HIGD1C: variants seen among roughly 807,000 people sequenced by gnomAD.
The protein encoded by HIGD1C is HIG1 domain family member 1C.
HIGD1C carries 11 observed loss-of-function variants against 13.1 expected under a neutral mutation model. The ratio of observed to expected loss-of-function variants is 0.84; its 90% CI spans 0.53 to 1.39. The LOEUF (loss-of-function observed/expected upper bound fraction) is 1.39. Among genes scored for constraint, HIGD1C ranks in the 40% most tolerant of loss-of-function variants. HIGD1C has a pLI of 0.00. For synonymous variants in HIGD1C, 36 were observed against 37.7 expected (o/e 0.95, Z 0.17); for missense variants, 110 against 112.0 (o/e 0.98, Z 0.08).
chr12:50,936,130 G>C, the HIGD1C span, among the ~76,000 whole-genome samples: 1 of 146,898 alleles, frequency 6.8e-6, no homozygotes, highest in African/African-American at 2.5e-5. Context: ...TTGCACTCCA[G>C]CCTGGGCAAC....
At chr12:50,940,419 T>C in the HIGD1C span, among the ~76,000 whole-genome samples, 1 of 152,112 alleles carries the variant, frequency 6.6e-6, no homozygotes, top group Non-Finnish European at 1.5e-5. Flanking sequence ...AAATCCTTCC[T>C]AAAAAAGCAA....
intron 1 of HIGD1C, among the ~76,000 whole-genome samples, chr12:50,955,105 A>T (rs1939044251): frequency 6.6e-6 from 1 of 152,220 alleles, no homozygotes; most frequent in Non-Finnish European, 1.5e-5. Context: ...CAGCCTGGCC[A>T]ATAGGGTGAA....
the HIGD1C span, among the ~76,000 whole-genome samples, chr12:50,937,527 G>A: frequency 6.6e-6 from 1 of 152,166 alleles, no homozygotes; most frequent in South Asian, 2.1e-4. Context: ...CGCCTGCAAC[G>A]TGACGAGCAG....
intron 2 of HIGD1C, among the ~76,000 whole-genome samples, chr12:50,968,308 C>G (rs1939622659): frequency 6.6e-6 from 1 of 152,160 alleles, no homozygotes; most frequent in Non-Finnish European, 1.5e-5. Flanking sequence ...AACTAGAACC[C>G]AAGAAGACAG....
At chr12:50,956,329 T>C (rs969101824) in intron 1 of HIGD1C, among the ~76,000 whole-genome samples, 7 of 152,054 alleles carry the variant, frequency 4.6e-5, no homozygotes, top group African/African-American at 1.4e-4. Context: ...GAAGTGGAGG[T>C]TGCAGTGAGC....
At chr12:50,933,670 CCAATCTGATTTA>C in the HIGD1C span, among the ~76,000 whole-genome samples, 90 of 152,354 alleles carry the variant, frequency 5.9e-4, no homozygotes, top group Non-Finnish European at 9.3e-4. Flanking sequence ...CCATACCAGA[CCAATCTGATTTA>C]ACCTTTATGT....
the HIGD1C span, among the ~76,000 whole-genome samples, chr12:50,942,994 T>C: frequency 6.6e-6 from 1 of 151,522 alleles, no homozygotes; most frequent in Non-Finnish European, 1.5e-5. Context: ...GCCTCCCAAG[T>C]AGCTGGGATT....
chr12:50,938,504 G>A, the HIGD1C span, among the ~76,000 whole-genome samples: 15 of 152,192 alleles, frequency 9.9e-5, no homozygotes, highest in Admixed American at 6.5e-5. Context: ...GCCCAGGAGT[G>A]CAGGGCTGGT....
chr12:50,959,583 GTTATAC>G (rs1222724627), intron 1 of HIGD1C, among the ~76,000 whole-genome samples: 1 of 152,030 alleles, frequency 6.6e-6, no homozygotes, highest in African/African-American at 2.4e-5. Context: ...ATACCAATAA[GTTATAC>G]TTATGGCATT....
At chr12:50,942,867 C>CTTTT in the HIGD1C span, among the ~76,000 whole-genome samples, 11 of 140,330 alleles carry the variant, frequency 7.8e-5, no homozygotes, top group South Asian at 4.5e-4. Context: ...TTTCTCTTCT[C>CTTTT]TTTTTTTTTT....
At chr12:50,971,182 A>C (rs2136106889), downstream of HIGD1C, among the ~76,000 whole-genome samples, 1 of 147,726 alleles carries the variant, frequency 6.8e-6, no homozygotes, top group East Asian at 2.0e-4. Context: ...GCCGAGCCAC[A>C]GACTTTTTAT....
chr12:50,942,627 G>A, the HIGD1C span, among the ~76,000 whole-genome samples: 1 of 152,286 alleles, frequency 6.6e-6, no homozygotes, highest in African/African-American at 2.4e-5. Context: ...AGCACTTTGG[G>A]AGGCCAAGGC....
At chr12:50,937,601 C>T in the HIGD1C span, among the ~76,000 whole-genome samples, 1 of 152,088 alleles carries the variant, frequency 6.6e-6, no homozygotes, top group African/African-American at 2.4e-5. Context: ...TCAGTCCCAC[C>T]ATTCGGCGGG....
the HIGD1C span, among the ~76,000 whole-genome samples, chr12:50,947,748 A>G: frequency 6.6e-6 from 1 of 152,200 alleles, no homozygotes; most frequent in Non-Finnish European, 1.5e-5. Flanking sequence ...CAAATATATA[A>G]AAGATAATGG....
chr12:50,970,255 T>C (rs1296902366), intron 2 of HIGD1C, among the ~76,000 whole-genome samples, 187 bp from the exon 5 acceptor site: 3 of 152,244 alleles, frequency 2.0e-5, no homozygotes, highest in Non-Finnish European at 4.4e-5. Context: ...AAAGGGCTCC[T>C]AGAGTTTTGT....
At chr12:50,940,844 T>A in the HIGD1C span, among the ~76,000 whole-genome samples, 1 of 151,890 alleles carries the variant, frequency 6.6e-6, no homozygotes, top group African/African-American at 2.4e-5. Context: ...GCCCCAATTT[T>A]TCTTTTCTTT....
chr12:50,936,968 C>T, the HIGD1C span, among the ~76,000 whole-genome samples: 31 of 152,334 alleles, frequency 2.0e-4, no homozygotes, highest in African/African-American at 7.5e-4. Context: ...CAAGAAACTT[C>T]CTCTTTGAGA....
chr12:50,957,269 A>G (rs2544019), intron 1 of HIGD1C, among the ~76,000 whole-genome samples: 71,948 of 151,016 alleles, frequency 0.48, 18,114 homozygotes, highest in South Asian at 0.65. Flanking sequence ...GGAGCGCAAT[A>G]GCACAATCCT....
chr12:50,959,427 C>T (rs982924245), intron 1 of HIGD1C, among the ~76,000 whole-genome samples: 1 of 151,956 alleles, frequency 6.6e-6, no homozygotes, highest in African/African-American at 2.4e-5. Context: ...GCCCCATATC[C>T]TCTTATAGAT....
Sources: gnomAD v4.1 joint callset for allele counts (sites outside exome capture counted in the v4.1 genomes callset) on GRCh38, gnomAD v4.1.1 for gene constraint, MANE v1.5 for transcripts, NCBI Gene and HGNC (gene_info 2026-07-23, HGNC 2026-07-21) for gene names.